Variants in STX18 observed in about 807,000 individuals in gnomAD.
STX18 encodes syntaxin 18.
A neutral mutation model predicts 50.1 loss-of-function variants in STX18; 40 were observed. The observed-to-expected ratio is 0.80, with a 90% confidence interval of 0.62 to 1.04. The LOEUF (loss-of-function observed/expected upper bound fraction) is 1.04, where lower values mean the gene tolerates loss of function less well. STX18 is among the 50% of genes least tolerant of loss of function. The pLI, the probability that STX18 is intolerant of heterozygous loss-of-function variation, is 0.00. For missense variants in STX18, 410 were observed against 415.8 expected (o/e 0.99, Z 0.12); for synonymous variants, 158 against 151.8 (o/e 1.04, Z -0.30).
intron 1 of STX18, chr4:4,507,816 A>C: frequency 1.2e-5 from 1 of 81,072 alleles, no homozygotes; most frequent in Non-Finnish European, 2.3e-5. Context: ...TATTCACAGT[A>C]AAAAAAAAAA....
intron 5 of STX18, among the ~76,000 whole-genome samples, chr4:4,454,632 T>C (rs1438342159): frequency 4.6e-5 from 7 of 152,204 alleles, no homozygotes. Flanking sequence ...CAGTTCAAAC[T>C]CTTCCCCAAG....
intron 1 of STX18, among the ~76,000 whole-genome samples, chr4:4,480,784 G>C (rs527754255): frequency 6.6e-6 from 1 of 152,314 alleles, no homozygotes; most frequent in East Asian, 1.9e-4. Flanking sequence ...TAGAGCAGCA[G>C]TAATAACAGG....
intron 1 of STX18, among the ~76,000 whole-genome samples, chr4:4,535,697 C>A (rs918577539): frequency 6.6e-6 from 1 of 152,186 alleles, no homozygotes; most frequent in Non-Finnish European, 1.5e-5. Flanking sequence ...TATGATTCAG[C>A]ACACTCATGC....
intron 1 of STX18, among the ~76,000 whole-genome samples, chr4:4,540,293 A>T (rs575537926): frequency 2.0e-5 from 3 of 152,212 alleles, no homozygotes; most frequent in Non-Finnish European, 4.4e-5. Flanking sequence ...CTACCAGATA[A>T]CATCTGACCA....
At chr4:4,494,263 C>T (rs749940549) in intron 1 of STX18, among the ~76,000 whole-genome samples, 1 of 152,198 alleles carries the variant, frequency 6.6e-6, no homozygotes, top group Non-Finnish European at 1.5e-5. Flanking sequence ...ACAGTGTACC[C>T]TTGGTCAAGT....
intron 1 of STX18, among the ~76,000 whole-genome samples, chr4:4,505,624 A>T (rs1252669120): frequency 1.2e-5 from 1 of 85,960 alleles, no homozygotes; most frequent in Non-Finnish European, 2.4e-5. Context: ...TGCTAAAAAT[A>T]AAAAAAAAAA....
At chr4:4,509,173 C>T (rs1729877181) in intron 1 of STX18, among the ~76,000 whole-genome samples, 1 of 152,204 alleles carries the variant, frequency 6.6e-6, no homozygotes, top group Admixed American at 6.5e-5. Context: ...TTTACACTCC[C>T]ACCAACACTG....
intron 2 of STX18, among the ~76,000 whole-genome samples, chr4:4,470,483 C>T (rs983632217): frequency 2.0e-5 from 3 of 152,080 alleles, no homozygotes; most frequent in South Asian, 2.1e-4. Context: ...TATGGAAACA[C>T]GATGGAAACC....
At chr4:4,533,217 T>C (rs1300225186) in intron 1 of STX18, among the ~76,000 whole-genome samples, 2 of 152,224 alleles carry the variant, frequency 1.3e-5, no homozygotes, top group Non-Finnish European at 2.9e-5. Flanking sequence ...AGTTGCCTCT[T>C]TTTAAGTCAA....
At chr4:4,503,536 G>A (rs183276902) in intron 1 of STX18, among the ~76,000 whole-genome samples, 23 of 151,946 alleles carry the variant, frequency 1.5e-4, no homozygotes, top group Admixed American at 3.3e-4. Flanking sequence ...TATTTCTGTC[G>A]CACAGAACTA....
chr4:4,457,327 A>T, intron 4 of STX18, 70 bp from the exon 5 acceptor site: 3 of 1,544,898 alleles, frequency 1.9e-6, no homozygotes, highest in Non-Finnish European at 2.7e-6. Context: ...ATCATTAAAT[A>T]TAATGAGATA....
intron 1 of STX18, among the ~76,000 whole-genome samples, chr4:4,525,769 T>C (rs1730720205): frequency 6.6e-6 from 1 of 152,146 alleles, no homozygotes; most frequent in Non-Finnish European, 1.5e-5. Context: ...AGTGACAATG[T>C]TATTACTAGA....
At chr4:4,425,950 A>C (rs1455356753) in intron 7 of STX18, 1 of 152,446 alleles carries the variant, frequency 6.6e-6, no homozygotes, top group Non-Finnish European at 1.5e-5. Context: ...AATGGACAGG[A>C]ACAGCTCCTT....
intron 1 of STX18, among the ~76,000 whole-genome samples, chr4:4,502,849 T>C (rs537151863): frequency 2.8e-4 from 43 of 152,312 alleles, no homozygotes; most frequent in Non-Finnish European, 2.2e-4. Flanking sequence ...TCGGCTCTAC[T>C]TTCCCACATG....
intron 1 of STX18, among the ~76,000 whole-genome samples, chr4:4,518,066 C>A (rs1730361619): frequency 6.6e-6 from 1 of 152,202 alleles, no homozygotes; most frequent in African/African-American, 2.4e-5. Flanking sequence ...AGCCACCACA[C>A]CCGGCCTATA....
At chr4:4,444,365 G>A (rs902448160) in intron 5 of STX18, among the ~76,000 whole-genome samples, 1 of 152,338 alleles carries the variant, frequency 6.6e-6, no homozygotes, top group Non-Finnish European at 1.5e-5. Context: ...ATGACCATCA[G>A]TTTGACCTCT....
At chr4:4,458,420 T>C (rs567491728) in intron 3 of STX18, among the ~76,000 whole-genome samples, 6 of 152,316 alleles carry the variant, frequency 3.9e-5, no homozygotes, top group East Asian at 3.9e-4. Context: ...ATTTTGTGTA[T>C]GTACATTTTT....
At chr4:4,428,211 G>A (rs896914025) in intron 7 of STX18, among the ~76,000 whole-genome samples, 2 of 152,232 alleles carry the variant, frequency 1.3e-5, no homozygotes, top group African/African-American at 4.8e-5. Flanking sequence ...AGCCAGTTCT[G>A]GGGGCCTTAT....
intron 1 of STX18, chr4:4,478,802 A>G: frequency 6.6e-6 from 1 of 152,478 alleles, no homozygotes; most frequent in Non-Finnish European, 1.5e-5. Flanking sequence ...TCAGATTTTG[A>G]GAAGGGAGAG....
Sources: allele counts gnomAD v4.1 joint callset (sites outside exome capture counted in the v4.1 genomes callset), GRCh38; gene constraint gnomAD v4.1.1; transcripts MANE v1.5; gene names NCBI Gene and HGNC (gene_info 2026-07-23, HGNC 2026-07-21).